Variants in ZBTB20 observed in about 807,000 individuals in gnomAD.
ZBTB20 encodes the protein zinc finger and BTB domain containing 20.
In ZBTB20, 9 loss-of-function variants were observed where a neutral mutation model predicts 56.9. The ratio of observed to expected loss-of-function variants is 0.16; its 90% CI spans 0.10 to 0.28. The LOEUF is 0.28. Ranked by LOEUF, ZBTB20 falls within the 10% of genes least tolerant of loss-of-function variation. The pLI, the probability that ZBTB20 is intolerant of heterozygous loss-of-function variation, is 1.00. For missense variants in ZBTB20, 655 were observed against 1,003.0 expected (o/e 0.65, Z 4.69); for synonymous variants, 417 against 420.7 (o/e 0.99, Z 0.11).
Position 114,559,694 on chromosome 3 carries a change from T to G in ZBTB20, c.-294-59303A>C, listed in dbSNP as rs1423226092. On this transcript the variant is annotated intron_variant, in intron 6 of 11. Coordinates refer to ENST00000675478, the MANE Select transcript of ZBTB20 (RefSeq NM_001348800.3). ...TTGGAAGGCTGCTGGCTTCAACATTTTCTGTAGAGAAGGAACACCTATGAA... is the reference window on the plus strand; with the variant it reads ...TTGGAAGGCTGCTGGCTTCAACATTGTCTGTAGAGAAGGAACACCTATGAA... 2.6e-5 allele frequency among the ~76,000 whole-genome samples: 4 copies of G among 152,198 alleles called. No individual in the cohort carries two copies. In the South Asian group the frequency reaches 6.2e-4, roughly 24 times the overall value.
chr3:114,940,932 C>A (rs1043443958), intron 3 of ZBTB20, among the ~76,000 whole-genome samples: 3 of 146,160 alleles, frequency 2.1e-5, no homozygotes, highest in Admixed American at 2.0e-4. Flanking sequence ...GAATTTATAA[C>A]TCATTGTTAC....
chr3:114,881,247 TAGAA>T (rs1019686846), intron 4 of ZBTB20, among the ~76,000 whole-genome samples: 11 of 152,200 alleles, frequency 7.2e-5, no homozygotes, highest in African/African-American at 2.2e-4. Context: ...GCACAACTCT[TAGAA>T]AGAGTCTCCA....
At chr3:114,654,272 T>C (rs2060280122) in intron 6 of ZBTB20, among the ~76,000 whole-genome samples, 1 of 151,936 alleles carries the variant, frequency 6.6e-6, no homozygotes, top group Non-Finnish European at 1.5e-5. Flanking sequence ...TCTCTCTGGC[T>C]CATATTATAA....
At chr3:114,579,657 A>G (rs561227423) in intron 6 of ZBTB20, among the ~76,000 whole-genome samples, 4 of 151,380 alleles carry the variant, frequency 2.6e-5, no homozygotes, top group African/African-American at 7.3e-5. Context: ...TTTTGTAAAG[A>G]AGTAAATGAA....
rs1040266892 is a variant in ZBTB20 at position 115,088,508 on chromosome 3, T to C, written c.-702-17094A>G. Among the ~76,000 whole-genome samples the C allele has an allele frequency of 2.6e-5, 4 of 151,888 alleles. No individual in the cohort carries two copies. The Admixed American group carries it at 2.6e-4, about 10-fold the overall frequency. ...ATATCTAAATTTACAAAATCATGAT[T>C]ATTTTCACAACTAAAGGATATATTT... On this transcript the variant is annotated intron_variant, in intron 1 of 11. Coordinates refer to ENST00000675478, the MANE Select transcript of ZBTB20 (RefSeq NM_001348800.3).
intron 6 of ZBTB20, among the ~76,000 whole-genome samples, chr3:114,623,532 T>A (rs1179035428): frequency 6.6e-6 from 1 of 152,122 alleles, no homozygotes; most frequent in African/African-American, 2.4e-5. Flanking sequence ...CAAATCATAT[T>A]TTCCAAAGGT....
chr3:115,115,157 C>T (rs1403377786), intron 1 of ZBTB20, among the ~76,000 whole-genome samples: 1 of 152,052 alleles, frequency 6.6e-6, no homozygotes, highest in African/African-American at 2.4e-5. Flanking sequence ...CAATGATGTC[C>T]TACAGCACTT....
At chr3:115,071,993 A>G (rs903045694) in intron 1 of ZBTB20, among the ~76,000 whole-genome samples, 1 of 152,200 alleles carries the variant, frequency 6.6e-6, no homozygotes, top group Non-Finnish European at 1.5e-5. Context: ...AGGGGCAGCC[A>G]GCCGGACATT....
At chr3:114,799,611 G>C (rs1034207403) in intron 5 of ZBTB20, among the ~76,000 whole-genome samples, 4 of 151,886 alleles carry the variant, frequency 2.6e-5, no homozygotes, top group Admixed American at 6.6e-5. Context: ...TTGTGCCAAG[G>C]GTTAGAAATT....
At chr3:115,051,054 T>C (rs1337277029) in intron 2 of ZBTB20, among the ~76,000 whole-genome samples, 2 of 152,102 alleles carry the variant, frequency 1.3e-5, no homozygotes, top group Non-Finnish European at 2.9e-5. Flanking sequence ...TTATTAATGA[T>C]TTAACGGAAA....
chr3:115,101,701 C>T (rs1370231803), intron 1 of ZBTB20, among the ~76,000 whole-genome samples: 1 of 151,942 alleles, frequency 6.6e-6, no homozygotes, highest in Non-Finnish European at 1.5e-5. Context: ...TATTTACACA[C>T]AAATAAAAAA....
At chr3:114,888,055 A>C (rs556511004) in intron 4 of ZBTB20, among the ~76,000 whole-genome samples, 51 of 151,762 alleles carry the variant, frequency 3.4e-4, no homozygotes, top group Non-Finnish European at 6.2e-4. Flanking sequence ...CAATCCTTTC[A>C]AGCAAGCCAG....
chr3:115,052,416 C>T (rs937876055), intron 2 of ZBTB20, among the ~76,000 whole-genome samples: 1 of 151,652 alleles, frequency 6.6e-6, no homozygotes, highest in Admixed American at 6.6e-5. Flanking sequence ...AAAATTGCAC[C>T]GGTGCACTCC....
Position 114,329,903 on chromosome 3 carries a change from C to A in ZBTB20, c.*9102G>T, listed in dbSNP as rs935895083. On this transcript the variant is annotated 3_prime_UTR_variant, in exon 12 of 12. Coordinates refer to ENST00000675478, the MANE Select transcript of ZBTB20 (RefSeq NM_001348800.3). Reference sequence around the variant, plus strand: ...GACAACTAGGTAATTCACTGTCTTACGCTTTTCAGAAGACTGGCCCTTTGA... The same window carrying A: ...GACAACTAGGTAATTCACTGTCTTAAGCTTTTCAGAAGACTGGCCCTTTGA... The A allele has an allele frequency of 6.6e-6, 1 of 152,122 alleles. No homozygotes were observed. Among genetic ancestry groups the A allele is most frequent in the African/African-American group, 2.4e-5 (1 of 41,424 alleles). The allele number at this position is 152,122 out of a possible 1,614,324, so 9.4% of individuals were successfully genotyped here.
At chr3:114,360,251 T>G (rs1468449808) in intron 10 of ZBTB20, among the ~76,000 whole-genome samples, 1 of 152,096 alleles carries the variant, frequency 6.6e-6, no homozygotes, top group East Asian at 1.9e-4. Context: ...TTCCCTTGGG[T>G]CTTTCTAACA....
At chr3:114,547,902 T>C (rs2050087650) in intron 6 of ZBTB20, among the ~76,000 whole-genome samples, 1 of 152,260 alleles carries the variant, frequency 6.6e-6, no homozygotes, top group African/African-American at 2.4e-5. Flanking sequence ...CTATTATTTG[T>C]AATTCTTAGG....
chr3:114,613,630 T>C (rs958726592), intron 6 of ZBTB20, among the ~76,000 whole-genome samples: 1 of 152,144 alleles, frequency 6.6e-6, no homozygotes, highest in Non-Finnish European at 1.5e-5. Flanking sequence ...GTAAACTCAG[T>C]ACCAAGCTCA....
chr3:115,058,985 AT>A (rs1436465332), intron 2 of ZBTB20, among the ~76,000 whole-genome samples: 2 of 151,972 alleles, frequency 1.3e-5, no homozygotes, highest in Non-Finnish European at 1.5e-5. Flanking sequence ...AATGTAGTAA[AT>A]TTTTTCATTC....
intron 5 of ZBTB20, among the ~76,000 whole-genome samples, chr3:114,717,882 A>G (rs2064609718): frequency 1.3e-5 from 2 of 152,222 alleles, no homozygotes; most frequent in African/African-American, 2.4e-5. Context: ...CGAAACTGTA[A>G]TATCTTTTGG....
Sources: allele counts gnomAD v4.1 joint callset (sites outside exome capture counted in the v4.1 genomes callset), GRCh38; gene constraint gnomAD v4.1.1; transcripts MANE v1.5; gene names NCBI Gene and HGNC (gene_info 2026-07-23, HGNC 2026-07-21).